Variants in ZNF316 observed in about 807,000 individuals in gnomAD.
The protein encoded by ZNF316 is zinc finger protein 316.
In ZNF316, 23 loss-of-function variants were observed where a neutral mutation model predicts 75.6. The ratio of observed to expected loss-of-function variants is 0.30; its 90% CI spans 0.22 to 0.43. The LOEUF (loss-of-function observed/expected upper bound fraction) is 0.43, where lower values mean the gene tolerates loss of function less well. Among genes scored for constraint, ZNF316 ranks in the 20% least tolerant of loss-of-function variants. ZNF316 has a pLI of 1.00. For synonymous variants in ZNF316, 827 were observed against 666.2 expected, an observed-to-expected ratio of 1.24 and a Z score of -3.72; for missense variants, 1,266 against 1,409.4, an observed-to-expected ratio of 0.90 and a Z score of 1.63.
Position 6,653,313 on chromosome 7 carries a change from G to A in ZNF316, c.1717G>A (p.Ala573Thr), listed in dbSNP as rs1779549650. 2 of 1,226,870 alleles carry A rather than the reference G, an allele frequency of 1.6e-6. No individual in the cohort carries two copies. The highest frequency in any genetic ancestry group is 1.0e-6 in the Non-Finnish European group (1 of 985,366). The allele number at this position is 1,226,870 out of a possible 1,614,324, so 76.0% of individuals were successfully genotyped here. The change falls in exon 9 of 9, where the codon GCG becomes ACG. Residue 573 changes from alanine (A) to threonine (T), a missense_variant. This residue lies in a region of ZNF316 where 961 missense variants were observed against 990.9 expected (regional missense o/e 0.97). Coordinates refer to ENST00000382252, the MANE Select transcript of ZNF316 (RefSeq NM_001278559.2). The stretch of plus-strand genomic sequence containing the variant: ...CACCCCCAGCGGCAAGGTGGACCCC[G>A]CGCCGGAACGGCGCTTCCTGGAGCT... ...APTPSGKVDP[A>T]PERRFLELGN...
chr7:6,651,645 C>T (rs902958198), intron 8 of ZNF316, among the ~76,000 whole-genome samples: 4 of 151,730 alleles, frequency 2.6e-5, no homozygotes, highest in South Asian at 2.1e-4. Context: ...AGCCCATAAT[C>T]GCAGCTACTT....
At chr7:6,646,714 A>G (rs528224229) in intron 8 of ZNF316, among the ~76,000 whole-genome samples, 1 of 152,012 alleles carries the variant, frequency 6.6e-6, no homozygotes, top group East Asian at 1.9e-4. Context: ...CGCCTCCCCC[A>G]GTGCTCCCTG....
intron 3 of ZNF316, among the ~76,000 whole-genome samples, chr7:6,641,440 G>C (rs1342995915): frequency 6.6e-6 from 1 of 152,240 alleles, no homozygotes; most frequent in Admixed American, 6.5e-5. Context: ...ACTCTGCCGT[G>C]CCCTTGGGAC....
Position 6,652,645 on chromosome 7 carries a change from G to T in ZNF316, c.1049G>T (p.Cys350Phe). The T allele has an allele frequency of 8.1e-7, 1 of 1,230,972 alleles. No individual in the cohort carries two copies. Among genetic ancestry groups the T allele is most frequent in the Non-Finnish European group, 1.0e-6 (1 of 987,282 alleles). 76.3% of individuals were successfully genotyped at this position (1,230,972 alleles called of 1,614,324 possible). The stretch of plus-strand genomic sequence containing the variant: ...AGGCCGGAGACCACGTGCGACGTGT[G>T]CGGCAAGGTCTTCCCGCACCGCTCG... ...AGRPETTCDVCGKVFPHRSRL... is the reference protein window; with the variant it reads ...AGRPETTCDVFGKVFPHRSRL... The change falls in exon 9 of 9, where the codon TGC becomes TTC. Residue 350 changes from cysteine (C) to phenylalanine (F), a missense_variant. Cys to Phe is a radical substitution (Grantham distance 205, BLOSUM62 -2). Transcript: ENST00000382252.
intron 6 of ZNF316, 81 bp downstream of exon 6, chr7:6,643,154 G>T (rs926921892): frequency 1.6e-6 from 2 of 1,229,802 alleles, no homozygotes; most frequent in Non-Finnish European, 2.0e-6. Flanking sequence ...GTTTGGAGGC[G>T]TCTGTTGGCA....
At chr7:6,652,106 C>T (rs964326808) in intron 8 of ZNF316, among the ~76,000 whole-genome samples, 197 bp from the exon 9 acceptor site, 2 of 152,168 alleles carry the variant, frequency 1.3e-5, no homozygotes, top group Admixed American at 6.5e-5. Context: ...CGGCGGCTTT[C>T]CTGCCTTGCG....
At position 6,656,136 on chromosome 7, in the gene ZNF316, CAGTT is replaced by C. The variant is rs1302039007; in HGVS notation, c.*1528_*1531del. On this transcript the variant is annotated 3_prime_UTR_variant, in exon 9 of 9. Coordinates refer to ENST00000382252, the MANE Select transcript of ZNF316 (RefSeq NM_001278559.2). ...GGAAGAGGGCCTGGGTGGTGGCGGT[CAGTT>C]AGCCTGGCTGGGTGAGGTTGGTGAG... is the stretch of plus-strand genomic sequence containing the variant. 8 of 152,378 alleles carry C rather than the reference CAGTT, an allele frequency of 5.3e-5. No homozygotes were observed. Among genetic ancestry groups the C allele is most frequent in the African/African-American group, 7.3e-5 (3 of 41,374 alleles). 9.4% of individuals were successfully genotyped at this position (152,378 alleles called of 1,614,324 possible). A position where few individuals can be genotyped will look rare whatever the true frequency, so the allele number is the denominator to read the frequency against.
In ZNF316 at chr7:6,652,924, A is replaced by T; in HGVS notation, c.1328A>T (p.Tyr443Phe). 1 of 1,242,832 alleles carries T rather than the reference A, an allele frequency of 8.0e-7. No individual in the cohort carries two copies. The allele number at this position is 1,242,832 out of a possible 1,614,324, so 77.0% of individuals were successfully genotyped here. Reference protein sequence around the residue: ...FCGAGFGRRSYLVTHQRTHTG... With the variant: ...FCGAGFGRRSFLVTHQRTHTG... ...GGCGCGGGCTTCGGGCGCCGCTCCT[A>T]CCTGGTCACGCACCAGCGCACGCAC... The change falls in exon 9 of 9, where the codon TAC becomes TTC. Residue 443 changes from tyrosine (Y) to phenylalanine (F), a missense_variant. Coordinates refer to ENST00000382252, the MANE Select transcript of ZNF316 (RefSeq NM_001278559.2).
chr7:6,653,611 TC>T lies in ZNF316; in HGVS notation c.2016del (p.Ile672MetfsTer119). 1 of 1,061,670 alleles carries T rather than the reference TC, an allele frequency of 9.4e-7. No homozygotes were observed. Among genetic ancestry groups the T allele is most frequent in the Non-Finnish European group, 1.1e-6 (1 of 878,044 alleles). The allele number at this position is 1,061,670 out of a possible 1,614,324, so 65.8% of individuals were successfully genotyped here. ...GGCCTGCGCGCGTTCGGGCCCGCCATCGGGGGTCTGCTGGCGGAGCCCGCGC... is the reference window on the plus strand; with the variant it reads ...GGCCTGCGCGCGTTCGGGCCCGCCATGGGGGTCTGCTGGCGGAGCCCGCGC... ...GGGLRAFGPA[I>X]GGLLAEPAPA... is the part of the protein sequence containing the mutation. On this transcript the variant is annotated frameshift_variant, in exon 9 of 9. Transcript: ENST00000382252. LOFTEE classifies it high-confidence loss of function.
Position 6,657,942 on chromosome 7 carries a change from C to A in ZNF316, c.*3331C>A, listed in dbSNP as rs1217503994. 6.6e-6 allele frequency among the ~76,000 whole-genome samples: 1 copy of A among 151,462 alleles called. No homozygotes were observed. The highest frequency in any genetic ancestry group is 1.5e-5 in the Non-Finnish European group (1 of 67,910). ...AGGGAGAAAAATACCCTCCCCCATC[C>A]AATGGTCATAGGAAAAAAAGTAGAC... On this transcript the variant is annotated 3_prime_UTR_variant, in exon 9 of 9. Transcript: ENST00000382252.
In ZNF316 at chr7:6,642,296, G is replaced by C. The variant is rs943516018; in HGVS notation, c.-28-86G>C. 2.7e-5 allele frequency: 16 copies of C among 589,866 alleles called. No individual in the cohort carries two copies. In the African/African-American group the frequency reaches 3.1e-4, roughly 11 times the overall value. The allele number at this position is 589,866 out of a possible 1,614,324, so 36.5% of individuals were successfully genotyped here. On this transcript the variant is annotated intron_variant, in intron 4 of 8. Coordinates refer to ENST00000382252, the MANE Select transcript of ZNF316 (RefSeq NM_001278559.2). The surrounding 1 kb of genome is among the most constrained non-coding windows in gnomAD (Gnocchi z 8.1). ...AGGAGGAGTAAATCCTGCTCCCTGC[G>C]CCCCCGCCAGGCTGCGGGAGACCCT...
Position 6,649,560 on chromosome 7 carries a change from C to T in ZNF316, c.707-2743C>T, listed in dbSNP as rs763018334. Among the ~76,000 whole-genome samples, 3 of 152,236 alleles carry T rather than the reference C, an allele frequency of 2.0e-5. No homozygotes were observed. In the South Asian group the frequency reaches 6.2e-4, roughly 31 times the overall value. On this transcript the variant is annotated intron_variant, in intron 8 of 8. Coordinates refer to ENST00000382252, the MANE Select transcript of ZNF316 (RefSeq NM_001278559.2). ...CCTGGAGCCCTGTTGGCTGAACACC[C>T]TCACTCAAGGATGTTCCCGTGGACT...
At chr7:6,651,980 C>G (rs1779514827) in intron 8 of ZNF316, among the ~76,000 whole-genome samples, 2 of 152,178 alleles carry the variant, frequency 1.3e-5, no homozygotes, top group Admixed American at 1.3e-4. Context: ...CGTTCCTCAG[C>G]AGGTGGCAAG....
Position 6,652,907 on chromosome 7 carries a change from C to T in ZNF316, c.1311C>T (p.Gly437=). ...ACCGCTGCGCCTTCTGCGGCGCGGGCTTCGGGCGCCGCTCCTACCTGGTCA... is the reference window on the plus strand; with the variant it reads ...ACCGCTGCGCCTTCTGCGGCGCGGGTTTCGGGCGCCGCTCCTACCTGGTCA... ...RPYRCAFCGA[G]FGRRSYLVTH... Residue 437 remains glycine, a synonymous_variant, in exon 9 of 9, where the codon GGC becomes GGT. Coordinates refer to ENST00000382252, the MANE Select transcript of ZNF316 (RefSeq NM_001278559.2). The T allele has an allele frequency of 4.0e-6, 5 of 1,240,994 alleles. No homozygotes were observed. The highest frequency in any genetic ancestry group is 5.0e-6 in the Non-Finnish European group (5 of 991,736). The allele number at this position is 1,240,994 out of a possible 1,614,324, so 76.9% of individuals were successfully genotyped here. A position where few individuals can be genotyped will look rare whatever the true frequency, so the allele number is the denominator to read the frequency against.
chr7:6,652,862 C>A lies in ZNF316; in HGVS notation c.1266C>A (p.Ile422=). ...YKSHLVTHRR[I]HTGERPYRCA... ...CGCACCTGGTTACGCACCGACGCAT[C>A]CATACTGGCGAGCGGCCCTACCGCT... is the stretch of plus-strand genomic sequence containing the variant. The change falls in exon 9 of 9, where the codon ATC becomes ATA. Residue 422 remains isoleucine, a synonymous_variant. Coordinates refer to ENST00000382252, the MANE Select transcript of ZNF316 (RefSeq NM_001278559.2). 5.6e-6 allele frequency: 7 copies of A among 1,245,316 alleles called. No individual in the cohort carries two copies. The highest frequency in any genetic ancestry group is 7.0e-6 in the Non-Finnish European group (7 of 994,176). 77.1% of individuals were successfully genotyped at this position (1,245,316 alleles called of 1,614,324 possible).
At chr7:6,644,691 G>A in intron 8 of ZNF316, 98 bp downstream of exon 8, 1 of 611,054 alleles carries the variant, frequency 1.6e-6, no homozygotes, top group Non-Finnish European at 2.4e-6. Context: ...CTGGTACCTG[G>A]TGCCTCTGAC....
rs1366406288 is a variant in ZNF316, at chr7:6,652,553, C to G, written c.957C>G (p.Gly319=). 6 of 1,230,870 alleles carry G rather than the reference C, an allele frequency of 4.9e-6. No homozygotes were observed. In the Admixed American group the frequency reaches 2.1e-4, roughly 43 times the overall value. 76.2% of individuals were successfully genotyped at this position (1,230,870 alleles called of 1,614,324 possible). A position where few individuals can be genotyped will look rare whatever the true frequency, so the allele number is the denominator to read the frequency against. The part of the protein sequence containing the change: ...DGSEAKPFLP[G]REPGANLLSP... ...CTGAAGCGAAGCCTTTCCTGCCCGG[C>G]CGGGAGCCGGGTGCGAACCTGCTGT... is the stretch of plus-strand genomic sequence containing the variant. Residue 319 remains glycine (G), a synonymous_variant, in exon 9 of 9, where the codon GGC becomes GGG. Transcript: ENST00000382252.
Position 6,654,723 on chromosome 7 carries a change from G to T in ZNF316, c.*112G>T. ...GGCTGAGGGTCCCAGTCCTGGGTGC[G>T]GTGCCTTCCCTCAGCCCTCGCCCTG... On this transcript the variant is annotated 3_prime_UTR_variant, in exon 9 of 9. Transcript: ENST00000382252. 1 of 960,758 alleles carries T rather than the reference G, an allele frequency of 1.0e-6. No individual in the cohort carries two copies. The highest frequency in any genetic ancestry group is 5.2e-5 in the South Asian group (1 of 19,158). The allele number at this position is 960,758 out of a possible 1,614,324, so 59.5% of individuals were successfully genotyped here.
At position 6,642,077 on chromosome 7, in the gene ZNF316, T is replaced by C. The variant is rs1488011015; in HGVS notation, c.-29+115T>C. The C allele has an allele frequency of 2.8e-5, 7 of 246,788 alleles. No homozygotes were observed. Among genetic ancestry groups the C allele is most frequent in the Middle Eastern group, 2.4e-3 (2 of 846 alleles). 15.3% of individuals were successfully genotyped at this position (246,788 alleles called of 1,614,324 possible). ...ATAAAGACTGGGATAAATGCCTGATTTACTCCAGGAAAGAGCAGCAGTTCA... is the reference window on the plus strand; with the variant it reads ...ATAAAGACTGGGATAAATGCCTGATCTACTCCAGGAAAGAGCAGCAGTTCA... On this transcript the variant is annotated intron_variant, in intron 4 of 8. Coordinates refer to ENST00000382252, the MANE Select transcript of ZNF316 (RefSeq NM_001278559.2). This position sits in a 1 kb window ranked among gnomAD's most constrained non-coding sequence, Gnocchi z 8.1.
Sources: allele counts gnomAD v4.1 joint callset (sites outside exome capture counted in the v4.1 genomes callset), GRCh38; gene constraint gnomAD v4.1.1; regional missense constraint gnomAD v4.1.1; non-coding constraint Gnocchi (gnomAD v3.1); transcripts MANE v1.5; gene names NCBI Gene and HGNC (gene_info 2026-07-23, HGNC 2026-07-21).